The following RNGTT variants were observed in gnomAD, a reference collection of about 807,000 sequenced individuals.
RNGTT encodes the protein RNA guanylyltransferase and 5'-phosphatase, also known as mRNA-capping enzyme.
In RNGTT, 33 loss-of-function variants were observed where a neutral mutation model predicts 79.3. The ratio of observed to expected loss-of-function variants is 0.42; its 90% CI spans 0.32 to 0.56. The LOEUF (loss-of-function observed/expected upper bound fraction) is 0.56. RNGTT is among the 20% of genes least tolerant of loss of function. RNGTT has a pLI of 0.17. For missense variants in RNGTT, 497 were observed against 739.1 expected, an observed-to-expected ratio of 0.67 and a Z score of 3.80; for synonymous variants, 222 against 235.9, an observed-to-expected ratio of 0.94 and a Z score of 0.54.
intron 14 of RNGTT, among the ~76,000 whole-genome samples, chr6:88,659,547 T>G (rs1416850971): frequency 6.6e-6 from 1 of 151,836 alleles, no homozygotes; most frequent in East Asian, 1.9e-4. Context: ...AAGAAAGAAT[T>G]TCAGAGCTTG....
At chr6:88,698,248 A>T (rs1307415869) in intron 13 of RNGTT, among the ~76,000 whole-genome samples, 8 of 84,426 alleles carry the variant, frequency 9.5e-5, no homozygotes, top group South Asian at 6.2e-4. Context: ...ATATATATGA[A>T]ATATATATAT....
At chr6:88,669,349 C>T (rs1030994907) in intron 14 of RNGTT, among the ~76,000 whole-genome samples, 1 of 152,202 alleles carries the variant, frequency 6.6e-6, no homozygotes, top group Non-Finnish European at 1.5e-5. Flanking sequence ...AGACCAATGG[C>T]CTTGGGAGGC....
intron 14 of RNGTT, among the ~76,000 whole-genome samples, chr6:88,665,005 C>A (rs1327862206): frequency 1.3e-5 from 2 of 152,164 alleles, no homozygotes; most frequent in Non-Finnish European, 2.9e-5. Context: ...AAGTGATTCA[C>A]CAGTTCCTGT....
chr6:88,627,182 G>C (rs1772666936), intron 14 of RNGTT, among the ~76,000 whole-genome samples: 1 of 152,038 alleles, frequency 6.6e-6, no homozygotes, highest in African/African-American at 2.4e-5. Flanking sequence ...ATTTCATAAA[G>C]TATATTTTTC....
chr6:88,702,785 T>C (rs764921280), intron 13 of RNGTT, among the ~76,000 whole-genome samples: 2 of 152,114 alleles, frequency 1.3e-5, no homozygotes, highest in Non-Finnish European at 2.9e-5. Context: ...TAGAAGAATA[T>C]ATTGCAAACT....
intron 13 of RNGTT, among the ~76,000 whole-genome samples, chr6:88,732,480 C>T (rs1777149815): frequency 6.6e-6 from 1 of 152,136 alleles, no homozygotes; most frequent in Admixed American, 6.5e-5. Context: ...ATAGAATTGG[C>T]TTATGATCCA....
intron 13 of RNGTT, among the ~76,000 whole-genome samples, chr6:88,756,381 G>A (rs1160903167): frequency 6.6e-6 from 1 of 152,120 alleles, no homozygotes; most frequent in Non-Finnish European, 1.5e-5. Context: ...ACTGAGGCAG[G>A]AGAATCACTT....
At chr6:88,708,484 CCTGA>C (rs1237574189) in intron 13 of RNGTT, among the ~76,000 whole-genome samples, 2 of 152,024 alleles carry the variant, frequency 1.3e-5, no homozygotes, top group African/African-American at 2.4e-5. Flanking sequence ...TCCTCCTTCC[CCTGA>C]CTAAGTGGCT....
At chr6:88,848,638 C>T (rs1053520315) in intron 10 of RNGTT, among the ~76,000 whole-genome samples, 1 of 142,420 alleles carries the variant, frequency 7.0e-6, no homozygotes, top group African/African-American at 3.1e-5. Flanking sequence ...ACACCAGAAA[C>T]CTTGCAAAAG....
chr6:88,835,347 G>C (rs920898094), intron 11 of RNGTT, among the ~76,000 whole-genome samples: 2 of 151,842 alleles, frequency 1.3e-5, no homozygotes, highest in Non-Finnish European at 2.9e-5. Flanking sequence ...ATACACAACT[G>C]ACTCCCTCTA....
At chr6:88,900,805 T>A (rs1256214764) in intron 6 of RNGTT, among the ~76,000 whole-genome samples, 28 of 120,954 alleles carry the variant, frequency 2.3e-4, no homozygotes, top group South Asian at 2.7e-4. Context: ...AACAAAAAGA[T>A]AAAGAATATA....
intron 11 of RNGTT, among the ~76,000 whole-genome samples, chr6:88,838,855 G>A (rs1438681246): frequency 1.3e-5 from 2 of 152,194 alleles, no homozygotes; most frequent in East Asian, 3.9e-4. Flanking sequence ...CTGATTTCAA[G>A]ATTTACAACA....
intron 1 of RNGTT, among the ~76,000 whole-genome samples, chr6:88,951,858 TG>T (rs1299342425): frequency 3.3e-5 from 5 of 151,906 alleles, no homozygotes; most frequent in African/African-American, 7.3e-5. Context: ...GGGAGGGTCA[TG>T]GGGGGAAAAA....
chr6:88,683,671 T>TA (rs1404350472), intron 13 of RNGTT, among the ~76,000 whole-genome samples: 1 of 151,996 alleles, frequency 6.6e-6, no homozygotes. Context: ...ATGTGAAAAA[T>TA]AAGTTTCATC....
At chr6:88,938,544 T>C (rs1028193810) in intron 2 of RNGTT, among the ~76,000 whole-genome samples, 4 of 152,240 alleles carry the variant, frequency 2.6e-5, no homozygotes, top group African/African-American at 9.6e-5. Context: ...TTATTATTAA[T>C]ATGTGAAGGC....
At chr6:88,637,295 CTT>C (rs901621149) in intron 14 of RNGTT, among the ~76,000 whole-genome samples, 1 of 152,168 alleles carries the variant, frequency 6.6e-6, no homozygotes, top group Admixed American at 6.5e-5. Context: ...TCGGTTCACT[CTT>C]ATTCAATATA....
intron 13 of RNGTT, among the ~76,000 whole-genome samples, chr6:88,683,116 GAAGCA>G (rs1775152982): frequency 6.6e-6 from 1 of 151,974 alleles, no homozygotes; most frequent in Non-Finnish European, 1.5e-5. Flanking sequence ...AACAAAAATA[GAAGCA>G]AAGAGATAAC....
chr6:88,683,674 G>A (rs902261177), intron 13 of RNGTT, among the ~76,000 whole-genome samples: 2 of 152,126 alleles, frequency 1.3e-5, no homozygotes, highest in Admixed American at 6.6e-5. Flanking sequence ...TGAAAAATAA[G>A]TTTCATCCAA....
At chr6:88,919,826 G>A (rs1428432526) in intron 4 of RNGTT, among the ~76,000 whole-genome samples, 2 of 149,690 alleles carry the variant, frequency 1.3e-5, no homozygotes, top group African/African-American at 5.0e-5. Context: ...GAGTACCTGG[G>A]ATTACAGGCA....
Sources: allele counts gnomAD v4.1 joint callset (sites outside exome capture counted in the v4.1 genomes callset), GRCh38; gene constraint gnomAD v4.1.1; transcripts MANE v1.5; gene names NCBI Gene and HGNC (gene_info 2026-07-23, HGNC 2026-07-21).